The following FLI1 variants were observed in gnomAD, a reference collection of about 807,000 sequenced individuals.
FLI1 encodes Friend leukemia integration 1 transcription factor.
FLI1 carries 13 observed loss-of-function variants against 53.1 expected under a neutral mutation model. The observed-to-expected ratio is 0.24, with a 90% CI of 0.16 to 0.39. The LOEUF (loss-of-function observed/expected upper bound fraction) is 0.39. FLI1 is among the 10% of genes least tolerant of loss of function. FLI1 has a pLI of 1.00. For missense variants in FLI1, 424 were observed against 600.5 expected (o/e 0.71, Z 3.07); for synonymous variants, 244 against 236.7 (o/e 1.03, Z -0.28).
intron 1 of FLI1, among the ~76,000 whole-genome samples, chr11:128,751,980 C>CA (rs1565482081): frequency 6.6e-6 from 1 of 151,432 alleles, no homozygotes; most frequent in Non-Finnish European, 1.5e-5. Context: ...CAATTTTTTT[C>CA]TTTTTTTTCT....
chr11:128,786,792 T>C (rs1179622386), intron 5 of FLI1, among the ~76,000 whole-genome samples: 1 of 152,216 alleles, frequency 6.6e-6, no homozygotes, highest in Admixed American at 6.5e-5. Flanking sequence ...ATTTCCTTAG[T>C]TCCTCATGCT....
rs955427551 is a variant in FLI1 at position 128,807,167 on chromosome 11, C to T, written c.722-13C>T. ...GGGTCCTACTCACTGCATTTCTTTCCCTCTTGCCACAGGTCCTCCCCTTGG... is the reference window on the plus strand; with the variant it reads ...GGGTCCTACTCACTGCATTTCTTTCTCTCTTGCCACAGGTCCTCCCCTTGG... On this transcript the variant is annotated splice_polypyrimidine_tract_variant and intron_variant, in intron 6 of 8. Transcript: ENST00000527786. 2.2e-5 allele frequency: 34 copies of T among 1,579,110 alleles called. No individual in the cohort carries two copies. The highest frequency in any genetic ancestry group is 2.9e-5 in the Non-Finnish European group (34 of 1,162,266).
At chr11:128,690,005 A>T (rs926501124), upstream of FLI1, among the ~76,000 whole-genome samples, 2 of 152,252 alleles carry the variant, frequency 1.3e-5, no homozygotes, top group South Asian at 4.1e-4. Context: ...CTGAGAAACA[A>T]ATTCAAAGCA....
At chr11:128,747,666 A>ACC (rs1940457654) in intron 1 of FLI1, among the ~76,000 whole-genome samples, 2 of 152,092 alleles carry the variant, frequency 1.3e-5, no homozygotes, top group South Asian at 4.2e-4. Flanking sequence ...TGGTCAGGCC[A>ACC]CCCCCTACTT....
intron 1 of FLI1, among the ~76,000 whole-genome samples, chr11:128,695,017 T>G (rs1458232889): frequency 6.6e-6 from 1 of 151,720 alleles, no homozygotes; most frequent in Admixed American, 6.5e-5. Context: ...CCCCCGCCCT[T>G]CGCGCCTAGG....
rs746660367 is a variant in FLI1, at chr11:128,802,192, C to CTTTA, written c.656-3173_656-3170dup. Among the ~76,000 whole-genome samples, 294 of 152,334 alleles carry CTTTA rather than the reference C, an allele frequency of 1.9e-3. 1 individual carries two copies. Among genetic ancestry groups the CTTTA allele is most frequent in the Non-Finnish European group, 2.4e-3 (164 of 68,032 alleles). ...CATACCCCTAGGGCAGAATGCAAGACTTTAGTTCTTGGCCTTCTGCATCTT... is the reference window on the plus strand; with the variant it reads ...CATACCCCTAGGGCAGAATGCAAGACTTTATTTAGTTCTTGGCCTTCTGCATCTT... On this transcript the variant is annotated intron_variant, in intron 5 of 8. Coordinates refer to ENST00000527786, the MANE Select transcript of FLI1 (RefSeq NM_002017.5).
At chr11:128,700,317 CAG>C (rs527901526) in intron 1 of FLI1, among the ~76,000 whole-genome samples, 197 of 152,278 alleles carry the variant, frequency 1.3e-3, no homozygotes, top group Non-Finnish European at 2.4e-3. Flanking sequence ...GTATAACTAA[CAG>C]GGGACAGATC....
chr11:128,690,931 G>A (rs958010609), upstream of FLI1, among the ~76,000 whole-genome samples: 2 of 152,170 alleles, frequency 1.3e-5, no homozygotes, highest in Non-Finnish European at 2.9e-5. Flanking sequence ...AAAGGGCGAG[G>A]CCATTGGAGC....
At chr11:128,803,320 A>G (rs1942687860) in intron 5 of FLI1, among the ~76,000 whole-genome samples, 1 of 152,168 alleles carries the variant, frequency 6.6e-6, no homozygotes, top group South Asian at 2.1e-4. Context: ...CTGCAACGCC[A>G]AGGTCCCAGA....
chr11:128,714,205 GAAAAAAAA>G (rs11301098), intron 1 of FLI1, among the ~76,000 whole-genome samples: 48 of 97,482 alleles, frequency 4.9e-4, no homozygotes, highest in African/African-American at 1.7e-3. Context: ...TCACTGGCCA[GAAAAAAAA>G]AAAAAAAAAA....
intron 4 of FLI1, among the ~76,000 whole-genome samples, chr11:128,777,052 G>C (rs1026832314): frequency 5.9e-5 from 9 of 152,240 alleles, no homozygotes; most frequent in African/African-American, 2.2e-4. Context: ...CTCTGGGCCT[G>C]ACTGTCGGCC....
Position 128,812,820 on chromosome 11 carries a change from CAGG to C in FLI1, c.*1834_*1836del, listed in dbSNP as rs1942965722. The C allele has an allele frequency of 3.2e-5, 6 of 189,490 alleles. No homozygotes were observed. The highest frequency in any genetic ancestry group is 6.9e-5 in the African/African-American group (3 of 43,170). The allele number at this position is 189,490 out of a possible 1,614,324, so 11.7% of individuals were successfully genotyped here. On this transcript the variant is annotated 3_prime_UTR_variant, in exon 9 of 9. Coordinates refer to ENST00000527786, the MANE Select transcript of FLI1 (RefSeq NM_002017.5). The stretch of plus-strand genomic sequence containing the variant: ...GCCCTGCTTCCTTCAGGTCTCAGAC[CAGG>C]ACTTTATGGCTCATGCAGATTTTTA...
chr11:128,703,866 A>AAAC (rs1938443563), intron 1 of FLI1, among the ~76,000 whole-genome samples: 1 of 150,122 alleles, frequency 6.7e-6, no homozygotes, highest in African/African-American at 2.5e-5. Flanking sequence ...AAAAAAAACA[A>AAAC]ACGTTAAGAG....
chr11:128,741,101 T>C (rs1384520397), intron 1 of FLI1, among the ~76,000 whole-genome samples: 1 of 152,172 alleles, frequency 6.6e-6, no homozygotes, highest in Non-Finnish European at 1.5e-5. Context: ...TGGTTTAAAA[T>C]ACAGTCACTC....
chr11:128,764,094 C>T (rs1386336768), intron 2 of FLI1, among the ~76,000 whole-genome samples: 2 of 152,158 alleles, frequency 1.3e-5, no homozygotes, highest in Admixed American at 6.5e-5. Context: ...AGCCTGGGCT[C>T]AGATGTGCGG....
At chr11:128,797,548 T>C (rs945813071) in intron 5 of FLI1, among the ~76,000 whole-genome samples, 1 of 152,246 alleles carries the variant, frequency 6.6e-6, no homozygotes, top group Non-Finnish European at 1.5e-5. Flanking sequence ...TTTTCTCTTC[T>C]TCATAGCATT....
chr11:128,760,520 CTTTTTTTTTTTTTTTT>C (rs1179242159), intron 2 of FLI1, among the ~76,000 whole-genome samples: 1 of 103,572 alleles, frequency 9.7e-6, no homozygotes, highest in Non-Finnish European at 2.0e-5. Flanking sequence ...GTGGAGATTC[CTTTTTTTTTTTTTTTT>C]TTTTTTTTTG....
chr11:128,748,275 C>T (rs1940492179), intron 1 of FLI1: 45 of 984,150 alleles, frequency 4.6e-5, no homozygotes, highest in Non-Finnish European at 5.4e-5. Flanking sequence ...GAGCCCCCTC[C>T]CCAGGAAGTG....
At chr11:128,694,676 T>G (rs1400547955) in intron 1 of FLI1, among the ~76,000 whole-genome samples, 2 of 152,082 alleles carry the variant, frequency 1.3e-5, no homozygotes, top group Admixed American at 6.5e-5. Context: ...GGCACTGGGC[T>G]TCCTCTCCGC....
Sources: gnomAD v4.1 joint callset for allele counts (sites outside exome capture counted in the v4.1 genomes callset) on GRCh38, gnomAD v4.1.1 for gene constraint, MANE v1.5 for transcripts, NCBI Gene and HGNC (gene_info 2026-07-23, HGNC 2026-07-21) for gene names.